FSHR: variants seen among roughly 807,000 people sequenced by gnomAD.
FSHR encodes follicle-stimulating hormone receptor.
Under a neutral mutation model 52.1 loss-of-function variants are expected in FSHR, and 46 were observed. The ratio of observed to expected loss-of-function variants is 0.88; its 90% CI spans 0.70 to 1.13. The LOEUF is 1.13. FSHR is among the 50% of genes most tolerant of loss of function. The pLI, the probability that FSHR is intolerant of heterozygous loss-of-function variation, is 0.00. For missense variants in FSHR, 964 were observed against 834.6 expected, an observed-to-expected ratio of 1.16 and a Z score of -1.91; for synonymous variants, 399 against 309.6, an observed-to-expected ratio of 1.29 and a Z score of -3.03.
chr2:48,994,738 G>A (rs541182160), intron 4 of FSHR, among the ~76,000 whole-genome samples: 1 of 152,096 alleles, frequency 6.6e-6, no homozygotes, highest in South Asian at 2.1e-4. Context: ...ACTCAACCAT[G>A]GTTTATCTTC....
intron 1 of FSHR, among the ~76,000 whole-genome samples, chr2:49,089,461 T>G (rs944495895): frequency 6.6e-6 from 1 of 152,176 alleles, no homozygotes; most frequent in African/African-American, 2.4e-5. Context: ...GGAAAGGCAG[T>G]TTGGCTTTTA....
intron 4 of FSHR, among the ~76,000 whole-genome samples, chr2:49,011,778 C>T (rs922888428): frequency 9.2e-5 from 14 of 152,066 alleles, no homozygotes; most frequent in African/African-American, 3.1e-4. Flanking sequence ...TTTGTGCTTC[C>T]TTGCTACTCT....
At chr2:49,087,872 A>G (rs934301728) in intron 1 of FSHR, among the ~76,000 whole-genome samples, 1 of 152,190 alleles carries the variant, frequency 6.6e-6, no homozygotes, top group Non-Finnish European at 1.5e-5. Flanking sequence ...TTCTCTACCA[A>G]TTTTAATTAT....
At chr2:49,086,806 A>C (rs192702946) in intron 1 of FSHR, among the ~76,000 whole-genome samples, 15 of 152,104 alleles carry the variant, frequency 9.9e-5, no homozygotes, top group African/African-American at 2.7e-4. Flanking sequence ...ATGTCTGGCT[A>C]ATTTTCTTAG....
chr2:48,992,862 T>G (rs1477978782), intron 4 of FSHR, among the ~76,000 whole-genome samples: 1 of 152,168 alleles, frequency 6.6e-6, no homozygotes, highest in Non-Finnish European at 1.5e-5. Flanking sequence ...TGCTCCAATC[T>G]ATTTTCATCC....
chr2:49,029,676 G>A (rs1668032364), intron 2 of FSHR, among the ~76,000 whole-genome samples: 1 of 152,206 alleles, frequency 6.6e-6, no homozygotes, highest in African/African-American at 2.4e-5. Context: ...AGCACATAGT[G>A]TTATGCAAAG....
intron 1 of FSHR, among the ~76,000 whole-genome samples, chr2:49,100,476 C>T (rs1376972729): frequency 6.6e-6 from 1 of 152,132 alleles, no homozygotes; most frequent in African/African-American, 2.4e-5. Flanking sequence ...TTATGGAAAG[C>T]CTTGGAAAAG....
At chr2:49,022,922 A>G (rs1242581064) in intron 2 of FSHR, among the ~76,000 whole-genome samples, 1 of 152,118 alleles carries the variant, frequency 6.6e-6, no homozygotes. Flanking sequence ...ATCTTTTTAG[A>G]ATGCAGATTC....
At chr2:48,980,074 G>T (rs750319637) in intron 8 of FSHR, among the ~76,000 whole-genome samples, 11 of 152,210 alleles carry the variant, frequency 7.2e-5, no homozygotes, top group African/African-American at 2.7e-4. Flanking sequence ...AGGTCAGCAG[G>T]GGGAGAGGCT....
At chr2:49,142,436 C>A (rs1672719917) in intron 1 of FSHR, among the ~76,000 whole-genome samples, 1 of 152,010 alleles carries the variant, frequency 6.6e-6, no homozygotes. Context: ...AGAAAGGGGT[C>A]CAGGGTGACA....
intron 1 of FSHR, among the ~76,000 whole-genome samples, chr2:49,151,768 G>C (rs990273809): frequency 2.6e-5 from 4 of 152,024 alleles, no homozygotes; most frequent in Non-Finnish European, 5.9e-5. Flanking sequence ...ATACTTAGTT[G>C]AACAGTCCAT....
intron 1 of FSHR, among the ~76,000 whole-genome samples, chr2:49,145,401 T>G (rs60659451): frequency 0.038 from 5,853 of 152,178 alleles, 358 homozygotes; most frequent in African/African-American, 0.13. Flanking sequence ...ATTTGCTAGC[T>G]TTAAAGCAAT....
At chr2:49,038,232 A>G (rs1009999125) in intron 2 of FSHR, among the ~76,000 whole-genome samples, 1 of 152,210 alleles carries the variant, frequency 6.6e-6, no homozygotes, top group Non-Finnish European at 1.5e-5. Context: ...TTTCTTCAAC[A>G]AGAAGAAAAT....
rs576852466 is a variant in FSHR at position 49,065,926 on chromosome 2, G to A, written c.224+2293C>T. Among the ~76,000 whole-genome samples the A allele has an allele frequency of 2.0e-5, 3 of 152,182 alleles. No homozygotes were observed. The East Asian group carries it at 5.8e-4, about 29-fold the overall frequency. ...GTGGGGAAAGGGCATTGAGAAGAAT[G>A]ACATTAATGGTTAATGAAATTTAAA... On this transcript the variant is annotated intron_variant, in intron 2 of 9. Coordinates refer to ENST00000406846, the MANE Select transcript of FSHR (RefSeq NM_000145.4).
intron 1 of FSHR, among the ~76,000 whole-genome samples, chr2:49,134,551 C>T (rs1297500944): frequency 6.6e-6 from 1 of 152,144 alleles, no homozygotes; most frequent in Non-Finnish European, 1.5e-5. Flanking sequence ...TTGACCCAGC[C>T]ATCTCATTAC....
At chr2:49,032,557 G>T (rs1478124974) in intron 2 of FSHR, among the ~76,000 whole-genome samples, 1 of 152,218 alleles carries the variant, frequency 6.6e-6, no homozygotes, top group Non-Finnish European at 1.5e-5. Context: ...AGTGACAAGA[G>T]AGACTGACTT....
chr2:49,034,624 G>A (rs1272724651), intron 2 of FSHR, among the ~76,000 whole-genome samples: 4 of 152,174 alleles, frequency 2.6e-5, no homozygotes, highest in Non-Finnish European at 5.9e-5. Context: ...TTGGTAAACT[G>A]TAAAGCATTT....
At chr2:49,121,743 A>C (rs1165486294) in intron 1 of FSHR, among the ~76,000 whole-genome samples, 2 of 152,174 alleles carry the variant, frequency 1.3e-5, no homozygotes, top group African/African-American at 4.8e-5. Context: ...GTCACCCAAA[A>C]ACTGGTTGCC....
intron 1 of FSHR, among the ~76,000 whole-genome samples, chr2:49,149,501 C>A (rs1161908463): frequency 1.3e-5 from 2 of 152,032 alleles, no homozygotes; most frequent in Non-Finnish European, 2.9e-5. Flanking sequence ...CAGCCTTTCC[C>A]AAAGTGACCT....
Sources: gnomAD v4.1 joint callset for allele counts (sites outside exome capture counted in the v4.1 genomes callset) on GRCh38, gnomAD v4.1.1 for gene constraint, MANE v1.5 for transcripts, NCBI Gene and HGNC (gene_info 2026-07-23, HGNC 2026-07-21) for gene names.